The following PCDHA5 variants were observed in gnomAD, a reference collection of about 807,000 sequenced individuals.
PCDHA5 encodes the protein protocadherin alpha 5, also known as protocadherin alpha-5.
PCDHA5 carries 43 observed loss-of-function variants against 61.6 expected under a neutral mutation model. The ratio of observed to expected loss-of-function variants is 0.70; its 90% CI spans 0.55 to 0.90. The LOEUF (loss-of-function observed/expected upper bound fraction) is 0.90. PCDHA5 is among the 40% of genes least tolerant of loss of function. The pLI, the probability that PCDHA5 is intolerant of heterozygous loss-of-function variation, is 0.00. For missense variants in PCDHA5, 1,298 were observed against 1,222.7 expected (o/e 1.06, Z -0.92); for synonymous variants, 627 against 543.9 (o/e 1.15, Z -2.13).
intron 1 of PCDHA5, among the ~76,000 whole-genome samples, chr5:140,921,271 A>C (rs1190111273): frequency 1.3e-5 from 2 of 152,142 alleles, no homozygotes; most frequent in East Asian, 1.9e-4. Flanking sequence ...TTTTATACTT[A>C]CTTGAAAAAA....
chr5:140,823,878 C>T lies in PCDHA5; in HGVS notation c.2103C>T (p.Ile701=), dbSNP rs142924665. The T allele has an allele frequency of 1.9e-6, 3 of 1,613,808 alleles. No individual in the cohort carries two copies. Among genetic ancestry groups the T allele is most frequent in the South Asian group, 1.1e-5 (1 of 91,090 alleles). Residue 701 remains isoleucine (I), a synonymous_variant, in exon 1 of 4, where the codon ATC becomes ATT. Transcript: ENST00000529859. The part of the protein sequence containing the change: ...ALVDVNVYLI[I]AICAVSSLLV... ...TGGATGTCAACGTGTACCTGATCAT[C>T]GCCATCTGTGCGGTGTCCAGCCTGC... is the stretch of plus-strand genomic sequence containing the variant.
In PCDHA5 at chr5:140,823,396, G is replaced by A. The variant is rs17844295; in HGVS notation, c.1621G>A (p.Val541Met). 1.9e-6 allele frequency: 3 copies of A among 1,612,796 alleles called. No individual in the cohort carries two copies. Among genetic ancestry groups the A allele is most frequent in the South Asian group, 2.2e-5 (2 of 91,046 alleles). ...CCAGGTGAGCGCGCGCGACGCGGGC[G>A]TGCCGCCTCTGGGCAGCAACGTGAC... is the stretch of plus-strand genomic sequence containing the variant. Reference protein sequence around the residue: ...QFQVSARDAGVPPLGSNVTLQ... With the variant: ...QFQVSARDAGMPPLGSNVTLQ... The change falls in exon 1 of 4, where the codon GTG becomes ATG. Residue 541 changes from valine (V) to methionine (M), a missense_variant. Transcript: ENST00000529859.
At position 140,851,390 on chromosome 5, in the gene PCDHA5, C is replaced by A. The variant is rs1410826615; in HGVS notation, c.2352+27263C>A. The A allele has an allele frequency of 2.3e-5, 22 of 973,626 alleles. 2 individuals are homozygous for A. In the African/African-American group the frequency reaches 3.7e-4, roughly 16 times the overall value. The allele number at this position is 973,626 out of a possible 1,614,324, so 60.3% of individuals were successfully genotyped here. A position where few individuals can be genotyped will look rare whatever the true frequency, so the allele number is the denominator to read the frequency against. On this transcript the variant is annotated intron_variant, in intron 1 of 3. Transcript: ENST00000529859. ...CTGATTGTTCAGCAACCTTCAGTAT[C>A]TATTATTTTAATAAGAAAGAAACTT...
intron 1 of PCDHA5, chr5:140,861,164 C>G (rs2046783856): frequency 6.4e-6 from 1 of 156,700 alleles, no homozygotes; most frequent in African/African-American, 2.4e-5. Flanking sequence ...CAAAAGGTCT[C>G]AGAGGAACTA....
chr5:140,996,553 A>G lies in PCDHA5; in HGVS notation c.2501-13074A>G, dbSNP rs868960335. 1.1e-4 allele frequency among the ~76,000 whole-genome samples: 16 copies of G among 152,172 alleles called. No individual in the cohort carries two copies. In the South Asian group the frequency reaches 2.7e-3, roughly 26 times the overall value. On this transcript the variant is annotated intron_variant, in intron 3 of 3. Transcript: ENST00000529859. The stretch of plus-strand genomic sequence containing the variant: ...TGTGTTTTGATATTATGCTGTCACT[A>G]TCTTGAAGTTCTTGATAATTTGTTA...
chr5:140,841,838 A>G (rs1453803660), intron 1 of PCDHA5: 11 of 1,613,802 alleles, frequency 6.8e-6, no homozygotes, highest in Admixed American at 6.7e-5. Context: ...CTACAGGCTT[A>G]GCTCTCATGA....
At chr5:140,939,285 T>A (rs2092357056) in intron 1 of PCDHA5, among the ~76,000 whole-genome samples, 1 of 152,108 alleles carries the variant, frequency 6.6e-6, no homozygotes, top group Admixed American at 6.5e-5. Flanking sequence ...GCCCTCGTGA[T>A]CTAATCATCT....
chr5:140,858,813 G>A, intron 1 of PCDHA5: 1 of 351,180 alleles, frequency 2.8e-6, no homozygotes, highest in South Asian at 3.4e-5. Flanking sequence ...ATTTTGATTT[G>A]ATTGTATTTG....
At chr5:140,846,601 C>T (rs1554141391) in intron 1 of PCDHA5, among the ~76,000 whole-genome samples, 1 of 148,800 alleles carries the variant, frequency 6.7e-6, no homozygotes, top group Non-Finnish European at 1.5e-5. Flanking sequence ...GTCTCGATCT[C>T]CTGACCTCCT....
At chr5:140,835,878 G>A (rs138465402) in intron 1 of PCDHA5, 6 of 1,611,878 alleles carry the variant, frequency 3.7e-6, no homozygotes, top group Non-Finnish European at 5.1e-6. Context: ...GGAGCTGCGG[G>A]TGGGCGAGCG....
Position 140,857,156 on chromosome 5 carries a change from C to T in PCDHA5, c.2352+33029C>T, listed in dbSNP as rs782492965. The T allele has an allele frequency of 4.4e-5, 71 of 1,598,308 alleles. 2 individuals carry two copies. In the South Asian group the frequency reaches 7.7e-4, roughly 17 times the overall value. On this transcript the variant is annotated intron_variant, in intron 1 of 3. Transcript: ENST00000529859. ...TGCTCAAGTGGGCACCGTCATTGCC[C>T]TAATCAGCGTTTCTGACCATGATTC...
chr5:140,938,226 A>G lies in PCDHA5; in HGVS notation c.2353-40723A>G, dbSNP rs529190111. On this transcript the variant is annotated intron_variant, in intron 1 of 3. Transcript: ENST00000529859. ...CTCCCAAAGTGCTGGGATTACAGGC[A>G]TAGGCCACCATGCCTGGTCTTTTAA... Among the ~76,000 whole-genome samples the G allele has an allele frequency of 3.3e-5, 5 of 152,330 alleles. No individual in the cohort carries two copies. In the South Asian group the frequency reaches 1.0e-3, roughly 32 times the overall value.
In PCDHA5 at chr5:140,876,964, C is replaced by T. The variant is rs781890307; in HGVS notation, c.2352+52837C>T. ...GGTGTCCTACTCGCTGGTGGAGCGG[C>T]GGGTGGGCGAGCACGCACTGTCGAG... On this transcript the variant is annotated intron_variant, in intron 1 of 3. Coordinates refer to ENST00000529859, the MANE Select transcript of PCDHA5 (RefSeq NM_018908.3). 2.5e-6 allele frequency: 4 copies of T among 1,613,060 alleles called. No individual in the cohort carries two copies. The highest frequency in any genetic ancestry group is 3.4e-6 in the Non-Finnish European group (4 of 1,179,806).
chr5:140,929,289 G>C (rs574226775), intron 1 of PCDHA5: 2 of 1,597,364 alleles, frequency 1.3e-6, no homozygotes, highest in African/African-American at 2.7e-5. Flanking sequence ...TTCAGATTCG[G>C]AATAGGAAAG....
intron 1 of PCDHA5, chr5:140,856,086 T>C (rs1554148156): frequency 1.9e-6 from 3 of 1,596,442 alleles, no homozygotes; most frequent in Non-Finnish European, 2.6e-6. Flanking sequence ...GTCCAGTGTC[T>C]GCTGCTCTCG....
At chr5:140,841,784 G>C in intron 1 of PCDHA5, 4 of 1,613,930 alleles carry the variant, frequency 2.5e-6, no homozygotes, top group African/African-American at 1.3e-5. Flanking sequence ...GTTTCCGCTA[G>C]AGGGCGCGTC....
intron 1 of PCDHA5, among the ~76,000 whole-genome samples, chr5:140,832,641 T>C (rs1772090459): frequency 6.6e-6 from 1 of 152,130 alleles, no homozygotes; most frequent in African/African-American, 2.4e-5. Flanking sequence ...CCTAGGAGGG[T>C]CTTTAAGAGT....
chr5:140,824,286 A>C, intron 1 of PCDHA5, 159 bp downstream of exon 1: 1 of 1,021,950 alleles, frequency 9.8e-7, no homozygotes, highest in Non-Finnish European at 1.5e-6. Context: ...GCTTTTTATG[A>C]GGCTTTTCTG....
Position 140,883,846 on chromosome 5 carries a change from G to A in PCDHA5, c.2352+59719G>A, listed in dbSNP as rs782516685. On this transcript the variant is annotated intron_variant, in intron 1 of 3. Coordinates refer to ENST00000529859, the MANE Select transcript of PCDHA5 (RefSeq NM_018908.3). ...ACGCGCTGCAGCCGTTGGACCACGA[G>A]GAGCTGGAGCTGTTGCAGTTCCAGG... is the stretch of plus-strand genomic sequence containing the variant. The A allele has an allele frequency of 6.8e-6, 11 of 1,612,790 alleles. 1 individual carries two copies. In the Admixed American group the frequency reaches 1.7e-4, roughly 24 times the overall value.
Sources: gnomAD v4.1 joint callset for allele counts (sites outside exome capture counted in the v4.1 genomes callset) on GRCh38, gnomAD v4.1.1 for gene constraint, MANE v1.5 for transcripts, NCBI Gene and HGNC (gene_info 2026-07-23, HGNC 2026-07-21) for gene names.